Variants in FRMPD4 observed in about 807,000 individuals in gnomAD.
FRMPD4 encodes the protein FERM and PDZ domain containing 4.
A neutral mutation model predicts 94.1 loss-of-function variants in FRMPD4; 22 were observed. The observed-to-expected ratio is 0.23, with a 90% CI of 0.17 to 0.33. FRMPD4 has a LOEUF of 0.33. Ranked by LOEUF, FRMPD4 falls within the 10% of genes least tolerant of loss-of-function variation. The pLI is 1.00. For missense variants in FRMPD4, 1,111 were observed against 1,339.9 expected, an observed-to-expected ratio of 0.83 and a Z score of 2.67; for synonymous variants, 631 against 548.6, an observed-to-expected ratio of 1.15 and a Z score of -2.10.
chrX:12,138,339 C>T, upstream of FRMPD4: 1 of 115,251 alleles, frequency 8.7e-6, no homozygotes, highest in African/African-American at 3.2e-5. Flanking sequence ...CTCCAGTGTG[C>T]CATAGACTGT....
intron 2 of FRMPD4, among the ~76,000 whole-genome samples, chrX:12,568,141 G>T (rs994091527): frequency 7.2e-5 from 8 of 111,001 alleles, no homozygotes; most frequent in African/African-American, 2.6e-4. Flanking sequence ...GCTAACAGTA[G>T]GAAAAGTTTA....
At position 12,723,753 on chromosome X, in the gene FRMPD4, G is replaced by A. The variant is rs765930397; in HGVS notation, c.*1895G>A. 16 of 111,076 alleles carry A rather than the reference G, an allele frequency of 1.4e-4. No homozygotes were observed. The highest frequency in any genetic ancestry group is 2.8e-4 in the Non-Finnish European group (15 of 52,991). 9.2% of individuals were successfully genotyped at this position (111,076 alleles called of 1,213,427 possible). ...TGCTGGTTTGGACACTATTCTCTCT[G>A]GAGGCAATATGGATGAGTTCTTACG... On this transcript the variant is annotated 3_prime_UTR_variant, in exon 17 of 17. Coordinates refer to ENST00000675598, the MANE Select transcript of FRMPD4 (RefSeq NM_001368397.1).
chrX:11,975,617 T>G (rs2054363241), intron 3 of FRMPD4, among the ~76,000 whole-genome samples: 2 of 112,197 alleles, frequency 1.8e-5, no homozygotes, highest in South Asian at 3.7e-4. Flanking sequence ...TTTGTATTAC[T>G]GCATGAAAAT....
intron 14 of FRMPD4, 68 bp from the exon 15 acceptor site, chrX:12,716,001 T>TGGCCCCC: frequency 7.8e-5 from 18 of 231,602 alleles, no homozygotes; most frequent in Non-Finnish European, 1.1e-4. Context: ...GAGACGAGCC[T>TGGCCCCC]CCCACCCCCG....
At chrX:12,600,399 T>C (rs1340979923) in intron 2 of FRMPD4, among the ~76,000 whole-genome samples, 1 of 112,391 alleles carries the variant, frequency 8.9e-6, no homozygotes, top group Non-Finnish European at 1.9e-5. Context: ...TTAAACAGGT[T>C]AGACAAATCC....
intron 1 of FRMPD4, among the ~76,000 whole-genome samples, chrX:12,163,462 TAAAA>T (rs201319402): frequency 4.4e-5 from 3 of 67,641 alleles, no homozygotes; most frequent in African/African-American, 1.7e-4. Context: ...TGACCCTTTG[TAAAA>T]AAAAAAAAAA....
intron 3 of FRMPD4, among the ~76,000 whole-genome samples, chrX:12,092,290 A>C (rs1235030781): frequency 8.9e-6 from 1 of 111,938 alleles, no homozygotes; most frequent in Non-Finnish European, 1.9e-5. Context: ...TTTATTTGTA[A>C]AATTGCTTCT....
chrX:12,559,461 C>T (rs2058629083), intron 2 of FRMPD4, among the ~76,000 whole-genome samples: 1 of 110,787 alleles, frequency 9.0e-6, no homozygotes, highest in South Asian at 3.8e-4. Flanking sequence ...ACAAGCCTGG[C>T]CAACATAGTG....
chrX:11,941,821 G>A (rs1478096381), intron 3 of FRMPD4, among the ~76,000 whole-genome samples: 1 of 111,931 alleles, frequency 8.9e-6, no homozygotes, highest in African/African-American at 3.3e-5. Context: ...AGGTTTTTCT[G>A]CTGTGCTTAA....
intron 1 of FRMPD4, among the ~76,000 whole-genome samples, chrX:12,184,957 A>G (rs2056405736): frequency 9.0e-6 from 1 of 111,416 alleles, no homozygotes; most frequent in African/African-American, 3.3e-5. Flanking sequence ...ATAGTCAATA[A>G]TAATTTAATT....
At chrX:11,824,111 A>G (rs931914784) in intron 1 of FRMPD4, among the ~76,000 whole-genome samples, 2 of 111,888 alleles carry the variant, frequency 1.8e-5, no homozygotes, top group African/African-American at 6.5e-5. Context: ...TCTTAATCAT[A>G]GTATGCCTGT....
intron 3 of FRMPD4, among the ~76,000 whole-genome samples, chrX:11,983,584 A>G (rs901342967): frequency 7.2e-5 from 8 of 111,569 alleles, no homozygotes; most frequent in Non-Finnish European, 1.5e-4. Flanking sequence ...TTTTCATCAG[A>G]AGGATTGTTC....
intron 1 of FRMPD4, among the ~76,000 whole-genome samples, chrX:12,354,935 C>T (rs1249926612): frequency 8.9e-6 from 1 of 112,141 alleles, no homozygotes; most frequent in Non-Finnish European, 1.9e-5. Flanking sequence ...ATTAGCAAAT[C>T]TCACTTTACT....
intron 2 of FRMPD4, among the ~76,000 whole-genome samples, chrX:12,509,493 C>T (rs1395637960): frequency 3.6e-5 from 4 of 111,790 alleles, no homozygotes; most frequent in African/African-American, 1.3e-4. Flanking sequence ...AATGGAAGAC[C>T]AAACATCATA....
At chrX:12,341,732 A>G in intron 1 of FRMPD4, 1 of 268,497 alleles carries the variant, frequency 3.7e-6, no homozygotes, top group South Asian at 4.0e-5. Flanking sequence ...TATTGTTATG[A>G]CTCTTCCACA....
chrX:12,542,300 TC>T (rs1408851416), intron 2 of FRMPD4, among the ~76,000 whole-genome samples: 2 of 111,978 alleles, frequency 1.8e-5, no homozygotes, highest in African/African-American at 6.5e-5. Flanking sequence ...AGTCAAATTG[TC>T]CCTGTTTGCA....
intron 3 of FRMPD4, among the ~76,000 whole-genome samples, chrX:12,099,023 TG>T (rs1409350693): frequency 9.4e-5 from 8 of 85,332 alleles, no homozygotes; most frequent in Non-Finnish European, 1.7e-4. Flanking sequence ...TGAGAACACA[TG>T]GACACAGGAA....
rs1483474215 is a variant in FRMPD4 at position 12,498,700 on chromosome X, G to C, written c.62G>C (p.Gly21Ala). The C allele has an allele frequency of 1.7e-6, 2 of 1,193,382 alleles. No homozygotes were observed. Among genetic ancestry groups the C allele is most frequent in the South Asian group, 3.6e-5 (2 of 56,177 alleles). Residue 21 changes from glycine (G) to alanine (A), a missense_variant, in exon 2 of 17, where the codon GGC (glycine) becomes GCC (alanine). Around this residue, in one of 8 missense-constraint regions of FRMPD4, gnomAD observed 140 missense variants for 165.9 expected, o/e 0.84. Coordinates refer to ENST00000675598, the MANE Select transcript of FRMPD4 (RefSeq NM_001368397.1). Reference sequence around the variant, plus strand: ...TCCAGCCACAGGACGAAGTCTTCAGGCTGGCCGCCTCCCTCGGGAACCTGG... The same window carrying C: ...TCCAGCCACAGGACGAAGTCTTCAGCCTGGCCGCCTCCCTCGGGAACCTGG... ...KLSSHRTKSS[G>A]WPPPSGTWGL...
At chrX:12,081,687 C>T (rs1357742635) in intron 3 of FRMPD4, among the ~76,000 whole-genome samples, 1 of 111,412 alleles carries the variant, frequency 9.0e-6, no homozygotes, top group Non-Finnish European at 1.9e-5. Flanking sequence ...AAATATATGG[C>T]CATCCACCCT....
Sources: gnomAD v4.1 joint callset for allele counts (sites outside exome capture counted in the v4.1 genomes callset) on GRCh38, gnomAD v4.1.1 for gene constraint, gnomAD v4.1.1 regional missense constraint, MANE v1.5 for transcripts, NCBI Gene and HGNC (gene_info 2026-07-23, HGNC 2026-07-21) for gene names.